The following HS3ST3A1 variants were observed in gnomAD, a reference collection of about 807,000 sequenced individuals.
The protein encoded by HS3ST3A1 is heparan sulfate glucosamine 3-O-sulfotransferase 3A1.
Under a neutral mutation model 25.7 loss-of-function variants are expected in HS3ST3A1, and 19 were observed. The observed-to-expected ratio is 0.74, with a 90% confidence interval of 0.52 to 1.08. The LOEUF is 1.08. Ranked by LOEUF, HS3ST3A1 falls within the 50% of genes least tolerant of loss-of-function variation. The pLI, the probability that HS3ST3A1 is intolerant of heterozygous loss-of-function variation, is 0.00. For synonymous variants in HS3ST3A1, 226 were observed against 278.6 expected, an observed-to-expected ratio of 0.81 and a Z score of 1.88; for missense variants, 459 against 594.3, an observed-to-expected ratio of 0.77 and a Z score of 2.37.
At chr17:13,530,862 T>C (rs1282287321) in intron 1 of HS3ST3A1, among the ~76,000 whole-genome samples, 2 of 152,188 alleles carry the variant, frequency 1.3e-5, no homozygotes, top group African/African-American at 4.8e-5. Context: ...CCAGTAGTTT[T>C]ACAGTATTGA....
chr17:13,588,696 T>A (rs1240820613), intron 1 of HS3ST3A1, among the ~76,000 whole-genome samples: 1 of 151,786 alleles, frequency 6.6e-6, no homozygotes, highest in Non-Finnish European at 1.5e-5. Flanking sequence ...TCCATTTTTT[T>A]TTTTTTAGAC....
chr17:13,550,707 A>AAACAACAACAACAAC (rs150129442), intron 1 of HS3ST3A1, among the ~76,000 whole-genome samples: 3 of 151,382 alleles, frequency 2.0e-5, no homozygotes, highest in African/African-American at 7.3e-5. Context: ...GCAAACACCA[A>AAACAACAACAACAAC]AACAACAACA....
chr17:13,579,943 TAAAAAAA>T (rs66568347), intron 1 of HS3ST3A1, among the ~76,000 whole-genome samples: 3 of 81,944 alleles, frequency 3.7e-5, no homozygotes, highest in East Asian at 3.4e-4. Flanking sequence ...TGACTCTGTC[TAAAAAAA>T]AAAAAAAAAA....
chr17:13,509,452 T>A (rs144421156), intron 1 of HS3ST3A1, among the ~76,000 whole-genome samples: 24 of 152,216 alleles, frequency 1.6e-4, no homozygotes, highest in African/African-American at 5.8e-4. Context: ...AGAAATGTCT[T>A]AAAGAATTAT....
chr17:13,594,087 T>C (rs1908511757), intron 1 of HS3ST3A1, among the ~76,000 whole-genome samples: 1 of 152,152 alleles, frequency 6.6e-6, no homozygotes, highest in Non-Finnish European at 1.5e-5. Flanking sequence ...CCTCAATCAG[T>C]GTTCGTCTAA....
chr17:13,513,998 T>G (rs1185336035), intron 1 of HS3ST3A1, among the ~76,000 whole-genome samples: 1 of 152,150 alleles, frequency 6.6e-6, no homozygotes, highest in Non-Finnish European at 1.5e-5. Flanking sequence ...AAATTGCTTC[T>G]AGTAAGCATA....
chr17:13,497,296 C>G (rs1905315385), intron 1 of HS3ST3A1, among the ~76,000 whole-genome samples: 1 of 152,158 alleles, frequency 6.6e-6, no homozygotes, highest in East Asian at 1.9e-4. Flanking sequence ...GCATATTACA[C>G]AAAATACTTA....
At chr17:13,558,660 C>T (rs1207576551) in intron 1 of HS3ST3A1, among the ~76,000 whole-genome samples, 1 of 152,150 alleles carries the variant, frequency 6.6e-6, no homozygotes, top group Admixed American at 6.5e-5. Context: ...CTGAAACAAA[C>T]AAACATGGCA....
intron 1 of HS3ST3A1, among the ~76,000 whole-genome samples, chr17:13,552,156 C>T (rs1057480597): frequency 6.6e-6 from 1 of 152,062 alleles, no homozygotes; most frequent in African/African-American, 2.4e-5. Context: ...CTTGGCTCAC[C>T]GCAACCTCCG....
intron 1 of HS3ST3A1, among the ~76,000 whole-genome samples, chr17:13,593,969 T>A (rs1006098307): frequency 6.6e-6 from 1 of 152,228 alleles, no homozygotes; most frequent in African/African-American, 2.4e-5. Flanking sequence ...TTGTTAGTAA[T>A]GACTCACTTT....
intron 1 of HS3ST3A1, among the ~76,000 whole-genome samples, chr17:13,549,817 T>A (rs538820648): frequency 1.3e-5 from 2 of 152,318 alleles, no homozygotes; most frequent in South Asian, 4.1e-4. Context: ...ACTAGTTTAT[T>A]TTAGTTCGCC....
chr17:13,585,841 T>C (rs1035946811), intron 1 of HS3ST3A1, among the ~76,000 whole-genome samples: 11 of 54,082 alleles, frequency 2.0e-4, no homozygotes, highest in Non-Finnish European at 2.4e-4. Flanking sequence ...TCCTTCTGCG[T>C]TTTTTTTTTT....
chr17:13,542,187 C>T (rs1002448746), intron 1 of HS3ST3A1, among the ~76,000 whole-genome samples: 35 of 151,964 alleles, frequency 2.3e-4, no homozygotes, highest in African/African-American at 8.2e-4. Flanking sequence ...AATAGCTGGG[C>T]ATGGTGGCGT....
chr17:13,579,943 TAAAAAA>T (rs66568347), intron 1 of HS3ST3A1, among the ~76,000 whole-genome samples: 1 of 81,948 alleles, frequency 1.2e-5, no homozygotes, highest in Non-Finnish European at 2.2e-5. Flanking sequence ...TGACTCTGTC[TAAAAAA>T]AAAAAAAAAA....
intron 1 of HS3ST3A1, among the ~76,000 whole-genome samples, chr17:13,525,242 T>A (rs1400119812): frequency 6.6e-6 from 1 of 152,246 alleles, no homozygotes; most frequent in Non-Finnish European, 1.5e-5. Flanking sequence ...TCATTCATTT[T>A]TATTGTGATG....
chr17:13,513,095 G>A (rs886228674), intron 1 of HS3ST3A1, among the ~76,000 whole-genome samples: 32 of 152,190 alleles, frequency 2.1e-4, no homozygotes, highest in Admixed American at 2.0e-3. Context: ...AATGTAAAGG[G>A]TGGGCCAGAA....
At chr17:13,547,567 A>G (rs1907122836) in intron 1 of HS3ST3A1, among the ~76,000 whole-genome samples, 1 of 152,204 alleles carries the variant, frequency 6.6e-6, no homozygotes, top group Non-Finnish European at 1.5e-5. Flanking sequence ...GCACCCAGAG[A>G]GGACATGGGA....
At chr17:13,535,799 T>C (rs1483988852) in intron 1 of HS3ST3A1, among the ~76,000 whole-genome samples, 2 of 152,216 alleles carry the variant, frequency 1.3e-5, no homozygotes, top group African/African-American at 4.8e-5. Flanking sequence ...CACCTGTTCA[T>C]TGCAAAATGG....
intron 1 of HS3ST3A1, among the ~76,000 whole-genome samples, chr17:13,592,458 A>C (rs3785689): frequency 0.1 from 15,839 of 152,266 alleles, 986 homozygotes; most frequent in Non-Finnish European, 0.14. Context: ...TGCTATTTTA[A>C]AAAAGGCTAA....
Sources: allele counts gnomAD v4.1 joint callset (sites outside exome capture counted in the v4.1 genomes callset), GRCh38; gene constraint gnomAD v4.1.1; transcripts MANE v1.5; gene names NCBI Gene and HGNC (gene_info 2026-07-23, HGNC 2026-07-21).